The following NECTIN2 variants were observed in gnomAD, a reference collection of about 807,000 sequenced individuals.
NECTIN2 encodes nectin cell adhesion molecule 2.
NECTIN2 carries 23 observed loss-of-function variants against 56.9 expected under a neutral mutation model. The ratio of observed to expected loss-of-function variants is 0.40; its 90% CI spans 0.29 to 0.57. The LOEUF is 0.57. Among genes scored for constraint, NECTIN2 ranks in the 20% least tolerant of loss-of-function variants. The probability of loss-of-function intolerance (pLI) is 0.38; values close to 1 mark genes in which losing one functional copy is unlikely to be tolerated. For missense variants in NECTIN2, 587 were observed against 718.3 expected (o/e 0.82, Z 2.09); for synonymous variants, 302 against 313.8 (o/e 0.96, Z 0.40).
At position 44,865,405 on chromosome 19, in the gene NECTIN2, G is replaced by A. The variant is rs1156502347; in HGVS notation, c.223G>A (p.Ala75Thr). ...ISLVTWQRPDAPANHQNVAAF... is the reference protein window; with the variant it reads ...ISLVTWQRPDTPANHQNVAAF... ...CCTGGTGACCTGGCAGCGCCCAGAT[G>A]CACCTGCGAACCACCAGAATGTGGC... Residue 75 changes from alanine to threonine, a missense_variant, in exon 2 of 9, where the codon GCA (alanine) becomes ACA (threonine). Physicochemically the swap from Ala to Thr is moderately conservative, Grantham distance 58. Coordinates refer to ENST00000252483, the MANE Select transcript of NECTIN2 (RefSeq NM_001042724.2). The surrounding 1 kb of genome is among the most constrained non-coding windows in gnomAD (Gnocchi z 5.2). The A allele has an allele frequency of 1.2e-6, 2 of 1,614,182 alleles. No homozygotes were observed. Among genetic ancestry groups the A allele is most frequent in the Non-Finnish European group, 1.7e-6 (2 of 1,180,044 alleles).
At chr19:44,860,220 T>C (rs573065125) in intron 1 of NECTIN2, among the ~76,000 whole-genome samples, 198 of 152,298 alleles carry the variant, frequency 1.3e-3, no homozygotes, top group African/African-American at 4.6e-3. Flanking sequence ...AGGGGGTTAC[T>C]TAGGGAATTA....
intron 1 of NECTIN2, among the ~76,000 whole-genome samples, chr19:44,856,745 G>A (rs1375901472): frequency 6.6e-6 from 1 of 152,068 alleles, no homozygotes; most frequent in East Asian, 1.9e-4. Flanking sequence ...GTGGGAGGGG[G>A]GTGATGTCCT....
In NECTIN2 at chr19:44,875,626, C is replaced by A. The variant is rs1477142748; in HGVS notation, c.1042+1148C>A. ...GGTCCATGCAGCACACCTGTGCAAA[C>A]ACGCAATGTGCAGGCCCCCCAGAAA... On this transcript the variant is annotated intron_variant, in intron 5 of 8. Transcript: ENST00000252483. The surrounding 1 kb of genome is among the most constrained non-coding windows in gnomAD (Gnocchi z 4.2). 6.6e-6 allele frequency among the ~76,000 whole-genome samples: 1 copy of A among 152,216 alleles called. No homozygotes were observed. The highest frequency in any genetic ancestry group is 2.4e-5 in the African/African-American group (1 of 41,468).
intron 5 of NECTIN2, chr19:44,878,619 G>T: frequency 2.5e-6 from 4 of 1,590,558 alleles, no homozygotes; most frequent in Non-Finnish European, 2.6e-6. Context: ...GTTTATGTGT[G>T]ACCTGGACAC....
intron 5 of NECTIN2, among the ~76,000 whole-genome samples, chr19:44,880,505 T>TTTTA (rs1969296686): frequency 7.8e-6 from 1 of 128,588 alleles, no homozygotes; most frequent in Admixed American, 8.0e-5. Flanking sequence ...TTTTTTTTTT[T>TTTTA]GAGACGGTGT....
At chr19:44,871,494 C>G (rs1969173724) in intron 2 of NECTIN2, among the ~76,000 whole-genome samples, 1 of 152,058 alleles carries the variant, frequency 6.6e-6, no homozygotes, top group East Asian at 1.9e-4. Flanking sequence ...CACCACTGCA[C>G]TCGAGACCAG....
intron 1 of NECTIN2, among the ~76,000 whole-genome samples, chr19:44,860,068 C>G (rs1319933562): frequency 4.6e-5 from 7 of 152,108 alleles, no homozygotes; most frequent in Non-Finnish European, 1.0e-4. Flanking sequence ...ATGGATGAAC[C>G]TGGAAAACAA....
At chr19:44,852,884 C>T (rs2972558) in intron 1 of NECTIN2, among the ~76,000 whole-genome samples, 105,562 of 152,060 alleles carry the variant, frequency 0.69, 37,638 homozygotes, top group African/African-American at 0.8. Flanking sequence ...GCAAGAGGAT[C>T]GCTTTAGTTC....
chr19:44,883,058 G>C (rs919127844), intron 6 of NECTIN2, among the ~76,000 whole-genome samples: 2 of 152,034 alleles, frequency 1.3e-5, no homozygotes, highest in Non-Finnish European at 2.9e-5. Flanking sequence ...TGGGATTACA[G>C]GCGTGAGCCA....
chr19:44,853,550 G>A (rs1170413288), intron 1 of NECTIN2, among the ~76,000 whole-genome samples: 2 of 148,930 alleles, frequency 1.3e-5, no homozygotes, highest in African/African-American at 2.5e-5. Context: ...GTGCAGTGCT[G>A]CAATCTCAGC....
intron 5 of NECTIN2, chr19:44,878,924 C>T (rs964049437): frequency 8.4e-7 from 1 of 1,189,898 alleles, no homozygotes; most frequent in Non-Finnish European, 1.0e-6. Flanking sequence ...TTAATAAATG[C>T]CTTGGAGGAA....
intron 5 of NECTIN2, 109 bp from the exon 6 acceptor site, chr19:44,882,102 G>A (rs1276921803): frequency 2.6e-5 from 26 of 1,015,342 alleles, no homozygotes; most frequent in Non-Finnish European, 3.4e-5. Flanking sequence ...CCCTGCCCAT[G>A]GGAGAGGACA....
chr19:44,846,714 C>T (rs1968839585), intron 1 of NECTIN2, 101 bp downstream of exon 1: 3 of 1,376,830 alleles, frequency 2.2e-6, no homozygotes, highest in East Asian at 5.8e-5. Flanking sequence ...CCCCGGCTCC[C>T]CGAGCCCCCT....
intron 3 of NECTIN2, among the ~76,000 whole-genome samples, chr19:44,873,636 AAC>A (rs34606745): frequency 0.24 from 35,275 of 149,562 alleles, 4,632 homozygotes; most frequent in East Asian, 0.53. Context: ...CTGTCTCAAA[AAC>A]ACACACACAC....
chr19:44,858,859 T>G (rs1236709733), intron 1 of NECTIN2, among the ~76,000 whole-genome samples: 1 of 150,430 alleles, frequency 6.6e-6, no homozygotes, highest in Non-Finnish European at 1.5e-5. Flanking sequence ...GCCAGTCTGG[T>G]CTCAAACTCC....
intron 2 of NECTIN2, among the ~76,000 whole-genome samples, chr19:44,868,980 C>CG (rs957258597): frequency 5.3e-5 from 8 of 151,978 alleles, no homozygotes; most frequent in Non-Finnish European, 1.0e-4. Flanking sequence ...CCAGAAGCCA[C>CG]GTCACTCTGG....
intron 6 of NECTIN2, among the ~76,000 whole-genome samples, chr19:44,885,389 G>A (rs757823249): frequency 1.8e-4 from 26 of 142,602 alleles, no homozygotes; most frequent in Non-Finnish European, 3.5e-4. Flanking sequence ...TCATCTCACT[G>A]CAACCTCTGC....
chr19:44,887,381 G>A (rs912255682), intron 8 of NECTIN2, among the ~76,000 whole-genome samples: 3 of 151,446 alleles, frequency 2.0e-5, no homozygotes, highest in South Asian at 2.1e-4. Context: ...GGTTGCTCAC[G>A]CCTGTAATCC....
In NECTIN2 at chr19:44,878,377, A is replaced by T. The variant is rs1375383227; in HGVS notation, c.1043-3834A>T. The T allele has an allele frequency of 2.6e-6, 4 of 1,554,586 alleles. No homozygotes were observed. In the African/African-American group the frequency reaches 5.5e-5, roughly 21 times the overall value. On this transcript the variant is annotated intron_variant, in intron 5 of 8. Transcript: ENST00000252483. ...GGAAGAGCCCTGGAGGAGCAGGAGGAGGAGCCAGTGGCGACGGGGGATTCT... is the reference window on the plus strand; with the variant it reads ...GGAAGAGCCCTGGAGGAGCAGGAGGTGGAGCCAGTGGCGACGGGGGATTCT...
Sources: allele counts gnomAD v4.1 joint callset (sites outside exome capture counted in the v4.1 genomes callset), GRCh38; gene constraint gnomAD v4.1.1; non-coding constraint Gnocchi (gnomAD v3.1); transcripts MANE v1.5; gene names NCBI Gene and HGNC (gene_info 2026-07-23, HGNC 2026-07-21).